Variants in ZNF341 observed in about 807,000 individuals in gnomAD.
ZNF341 encodes the protein zinc finger protein 341.
ZNF341 carries 52 observed loss-of-function variants against 87.7 expected under a neutral mutation model. The observed-to-expected ratio is 0.59, with a 90% CI of 0.47 to 0.75. The LOEUF is 0.75. Among genes scored for constraint, ZNF341 ranks in the 30% least tolerant of loss-of-function variants. The pLI, the probability that ZNF341 is intolerant of heterozygous loss-of-function variation, is 0.00. For missense variants in ZNF341, 977 were observed against 1,145.9 expected (o/e 0.85, Z 2.13); for synonymous variants, 459 against 472.7 (o/e 0.97, Z 0.38).
chr20:33,734,624 G>A (rs913856290), intron 1 of ZNF341, among the ~76,000 whole-genome samples: 4 of 152,320 alleles, frequency 2.6e-5, no homozygotes, highest in African/African-American at 9.6e-5. Flanking sequence ...CTGGTGCCCT[G>A]TTCTCCTTGA....
intron 8 of ZNF341, among the ~76,000 whole-genome samples, chr20:33,766,641 C>A (rs907297489): frequency 3.3e-5 from 5 of 152,164 alleles, no homozygotes; most frequent in African/African-American, 9.7e-5. Context: ...CTGTTTCTCA[C>A]TCAGAAAGGA....
rs1413936299 is a variant in ZNF341, at chr20:33,732,059, G to C, written c.31+7G>C. Reference sequence around the variant, plus strand: ...ATCTTTGAGGCCCTGGAGGGTGAGCGGCGGCGGGGCCGGCGGAGGCGGCTG... The same window carrying C: ...ATCTTTGAGGCCCTGGAGGGTGAGCCGCGGCGGGGCCGGCGGAGGCGGCTG... On this transcript the variant is annotated splice_region_variant and intron_variant, in intron 1 of 14. Transcript: ENST00000375200. This position sits in a 1 kb window ranked among gnomAD's most constrained non-coding sequence, Gnocchi z 4.5. 3.1e-6 allele frequency: 4 copies of C among 1,281,992 alleles called. No individual in the cohort carries two copies. The Admixed American group carries it at 1.2e-4, about 40-fold the overall frequency. 79.4% of individuals were successfully genotyped at this position (1,281,992 alleles called of 1,614,324 possible).
intron 4 of ZNF341, among the ~76,000 whole-genome samples, chr20:33,750,962 A>T (rs1278963742): frequency 3.3e-5 from 5 of 151,602 alleles, no homozygotes; most frequent in Non-Finnish European, 5.9e-5. Flanking sequence ...TTTTTTAGAG[A>T]CAGAGTCTCG....
At chr20:33,746,228 CTTTTTTTT>C (rs34461652) in intron 3 of ZNF341, among the ~76,000 whole-genome samples, 2 of 104,112 alleles carry the variant, frequency 1.9e-5, no homozygotes, top group African/African-American at 9.6e-5. Flanking sequence ...CGCGCCCGGC[CTTTTTTTT>C]TTTTTTTTTT....
intron 12 of ZNF341, 115 bp downstream of exon 12, chr20:33,783,979 GC>G: frequency 9.7e-7 from 1 of 1,034,846 alleles, no homozygotes; most frequent in Middle Eastern, 2.3e-4. Context: ...GTCTCCCTCA[GC>G]CCCTTTTCCC....
At position 33,761,984 on chromosome 20, in the gene ZNF341, T is replaced by C; in HGVS notation, c.1151T>C (p.Val384Ala). The C allele has an allele frequency of 6.2e-7, 1 of 1,606,946 alleles. No individual in the cohort carries two copies. Among genetic ancestry groups the C allele is most frequent in the Non-Finnish European group, 8.5e-7 (1 of 1,174,844 alleles). ...VWPPGHSGGT[V>A]SRNSVTVQVM... ...CCTCCAGGACACAGTGGTGGCACCG[T>C]GTCTCGAAACTCTGTGACCGTACAG... The change falls in exon 8 of 15, where the codon GTG (valine) becomes GCG (alanine). Residue 384 changes from valine (V) to alanine (A), a missense_variant. By Grantham distance (64) the Val-to-Ala change is moderately conservative. Coordinates refer to ENST00000375200, the MANE Select transcript of ZNF341 (RefSeq NM_001282933.2).
At chr20:33,753,091 C>A in intron 4 of ZNF341, 81 bp from the exon 5 acceptor site, 3 of 1,593,308 alleles carry the variant, frequency 1.9e-6, no homozygotes, top group Non-Finnish European at 2.6e-6. Context: ...ACCTGGCTGG[C>A]TAAAGCAAAT....
At chr20:33,779,926 C>T (rs936896584) in intron 10 of ZNF341, among the ~76,000 whole-genome samples, 1 of 152,170 alleles carries the variant, frequency 6.6e-6, no homozygotes, top group African/African-American at 2.4e-5. Context: ...TGTGAATGGG[C>T]AAGATGTGGT....
intron 2 of ZNF341, among the ~76,000 whole-genome samples, chr20:33,741,752 A>G (rs78571921): frequency 0.012 from 1,808 of 152,288 alleles, 46 homozygotes; most frequent in African/African-American, 0.041. Context: ...GTGTTCATTT[A>G]TTCATTCCAC....
At chr20:33,740,659 C>T (rs1601232543) in intron 1 of ZNF341, among the ~76,000 whole-genome samples, 1 of 152,250 alleles carries the variant, frequency 6.6e-6, no homozygotes, top group African/African-American at 2.4e-5. Flanking sequence ...CATGCACCAC[C>T]AAGCCTACCT....
intron 7 of ZNF341, 99 bp downstream of exon 7, chr20:33,758,905 T>G: frequency 2.0e-6 from 2 of 1,015,384 alleles, no homozygotes; most frequent in Non-Finnish European, 3.0e-6. Context: ...GCCTGTGGGG[T>G]GACCCAGGCT....
In ZNF341 at chr20:33,732,097, C is replaced by T; in HGVS notation, c.31+45C>T. 1 of 1,188,358 alleles carries T rather than the reference C, an allele frequency of 8.4e-7. No homozygotes were observed. The highest frequency in any genetic ancestry group is 1.0e-6 in the Non-Finnish European group (1 of 957,970). The allele number at this position is 1,188,358 out of a possible 1,614,324, so 73.6% of individuals were successfully genotyped here. A position where few individuals can be genotyped will look rare whatever the true frequency, so the allele number is the denominator to read the frequency against. On this transcript the variant is annotated intron_variant, in intron 1 of 14. Transcript: ENST00000375200. This position sits in a 1 kb window ranked among gnomAD's most constrained non-coding sequence, Gnocchi z 4.5. ...GCGGAGGCGGCTGTTCCGCGCTGCG[C>T]CCCCTCCCGCCGCGCCCTCGCAGCG...
chr20:33,746,154 C>G (rs1238917152), intron 3 of ZNF341, among the ~76,000 whole-genome samples: 2 of 150,570 alleles, frequency 1.3e-5, no homozygotes, highest in Non-Finnish European at 2.9e-5. Flanking sequence ...TGGTCTCAAT[C>G]TCCTGACCTC....
chr20:33,765,924 C>T (rs1442337848), intron 8 of ZNF341, among the ~76,000 whole-genome samples: 1 of 152,128 alleles, frequency 6.6e-6, no homozygotes, highest in East Asian at 1.9e-4. Flanking sequence ...CTCTTGTTGC[C>T]CAGGCTGGAG....
rs2020018350 is a variant in ZNF341, at chr20:33,791,210, C to T, written c.2258C>T (p.Pro753Leu). Residue 753 changes from proline (P) to leucine (L), a missense_variant, in exon 15 of 15, where the codon CCC becomes CTC. Pro to Leu is a moderately conservative substitution (Grantham distance 98). Coordinates refer to ENST00000375200, the MANE Select transcript of ZNF341 (RefSeq NM_001282933.2). ...CGGCCCCCCCAGAGGAGGGCAGCCC[C>T]CCGCAGTTGCGGCAGTGGTGGGCGC... ...TRRPPQRRAA[P>L]RSCGSGGRKV... is the part of the protein sequence containing the mutation. 2.5e-6 allele frequency: 4 copies of T among 1,612,330 alleles called. No homozygotes were observed. Among genetic ancestry groups the T allele is most frequent in the Non-Finnish European group, 3.4e-6 (4 of 1,179,644 alleles).
At position 33,758,724 on chromosome 20, in the gene ZNF341, A is replaced by G; in HGVS notation, c.946A>G (p.Lys316Glu). The G allele has an allele frequency of 6.2e-7, 1 of 1,613,570 alleles. No individual in the cohort carries two copies. Among genetic ancestry groups the G allele is most frequent in the Non-Finnish European group, 8.5e-7 (1 of 1,179,820 alleles). The change falls in exon 7 of 15, where the codon AAG becomes GAG. Residue 316 changes from lysine to glutamate, a missense_variant. This residue lies in a region of ZNF341 where 515 missense variants were observed against 598.2 expected (regional missense o/e 0.86). Transcript: ENST00000375200. Reference sequence around the variant, plus strand: ...TTCCACTTGTCTTTCAGCTGCAGGGAAGCCAAAGGCTCAGAAACTCAAGTG... The same window carrying G: ...TTCCACTTGTCTTTCAGCTGCAGGGGAGCCAAAGGCTCAGAAACTCAAGTG... ...GARGLPEAAG[K>E]PKAQKLKCSY...
chr20:33,744,087 A>T (rs2018865771), intron 2 of ZNF341, among the ~76,000 whole-genome samples: 2 of 152,120 alleles, frequency 1.3e-5, no homozygotes, highest in Admixed American at 6.6e-5. Context: ...GTTCGAGACC[A>T]GCCTGGTCAA....
rs906692834 is a variant in ZNF341 at position 33,732,058 on chromosome 20, C to CGGCGGCGGGGCCGGCGGA, written c.31+13_31+30dup. 6 of 1,283,128 alleles carry CGGCGGCGGGGCCGGCGGA rather than the reference C, an allele frequency of 4.7e-6. No individual in the cohort carries two copies. The African/African-American group carries it at 6.2e-5, about 13-fold the overall frequency. 79.5% of individuals were successfully genotyped at this position (1,283,128 alleles called of 1,614,324 possible). On this transcript the variant is annotated splice_region_variant and intron_variant, in intron 1 of 14. Transcript: ENST00000375200. The surrounding 1 kb of genome is among the most constrained non-coding windows in gnomAD (Gnocchi z 4.5). ...GATCTTTGAGGCCCTGGAGGGTGAG[C>CGGCGGCGGGGCCGGCGGA]GGCGGCGGGGCCGGCGGAGGCGGCT...
chr20:33,733,214 T>C lies in ZNF341; in HGVS notation c.31+1162T>C, dbSNP rs530231624. ...GGCGTGCACCACCACACCCGGCTAA[T>C]TTCCTTTTTTTTTTTTTTTTTTGAG... On this transcript the variant is annotated intron_variant, in intron 1 of 14. Transcript: ENST00000375200. Among the ~76,000 whole-genome samples, 218 of 146,198 alleles carry C rather than the reference T, an allele frequency of 1.5e-3. 1 individual carries two copies. Among genetic ancestry groups the C allele is most frequent in the African/African-American group, 5.3e-3 (206 of 38,834 alleles).
Sources: gnomAD v4.1 joint callset for allele counts (sites outside exome capture counted in the v4.1 genomes callset) on GRCh38, gnomAD v4.1.1 for gene constraint, gnomAD v4.1.1 regional missense constraint, Gnocchi (gnomAD v3.1) non-coding constraint, MANE v1.5 for transcripts, NCBI Gene and HGNC (gene_info 2026-07-23, HGNC 2026-07-21) for gene names.